Variants in ATP2A2 observed in about 807,000 individuals in gnomAD.
ATP2A2 encodes the protein ATPase sarcoplasmic/endoplasmic reticulum Ca2+ transporting 2.
A neutral mutation model predicts 109.3 loss-of-function variants in ATP2A2; 14 were observed. The ratio of observed to expected loss-of-function variants is 0.13; its 90% CI spans 0.08 to 0.20. The LOEUF (loss-of-function observed/expected upper bound fraction) is 0.20. Ranked by LOEUF, ATP2A2 falls within the 10% of genes least tolerant of loss-of-function variation. The pLI is 1.00. For missense variants in ATP2A2, 657 were observed against 1,321.6 expected, an observed-to-expected ratio of 0.50 and a Z score of 7.80; for synonymous variants, 506 against 490.9, an observed-to-expected ratio of 1.03 and a Z score of -0.41.
intron 5 of ATP2A2, among the ~76,000 whole-genome samples, chr12:110,319,041 T>C (rs1489181173): frequency 6.6e-6 from 1 of 151,930 alleles, no homozygotes; most frequent in Non-Finnish European, 1.5e-5. Flanking sequence ...TTTAAAAATA[T>C]GGATTCTTAA....
rs1486448579 is a variant in ATP2A2, at chr12:110,340,426, T to C, written c.1762-233T>C. On this transcript the variant is annotated intron_variant, in intron 13 of 19. Coordinates refer to ENST00000539276, the MANE Select transcript of ATP2A2 (RefSeq NM_170665.4). The surrounding 1 kb of genome is among the most constrained non-coding windows in gnomAD (Gnocchi z 6.0). ...GGTGGCGCATACCTGTAGTCCCAGC[T>C]ACCCTGGAGGCTGAGGCAGAAGAGT... Among the ~76,000 whole-genome samples, 1 of 151,600 alleles carries C rather than the reference T, an allele frequency of 6.6e-6. No individual in the cohort carries two copies. The highest frequency in any genetic ancestry group is 1.5e-5 in the Non-Finnish European group (1 of 67,948).
chr12:110,290,912 T>C (rs1234092937), intron 3 of ATP2A2, among the ~76,000 whole-genome samples: 2 of 151,248 alleles, frequency 1.3e-5, no homozygotes, highest in Non-Finnish European at 2.9e-5. Flanking sequence ...CCATGAAGTA[T>C]AGTTTTTTGT....
At chr12:110,293,367 CTTTTTTT>C (rs1178977431) in intron 4 of ATP2A2, among the ~76,000 whole-genome samples, 140 of 79,932 alleles carry the variant, frequency 1.8e-3, no homozygotes, top group African/African-American at 7.0e-3. Flanking sequence ...CACTCCCGGC[CTTTTTTT>C]TTTTTTTTTT....
chr12:110,284,505 T>A (rs2137679239), intron 3 of ATP2A2, among the ~76,000 whole-genome samples: 1 of 152,304 alleles, frequency 6.6e-6, no homozygotes, highest in East Asian at 1.9e-4. Flanking sequence ...GGGTCTGTTT[T>A]TTGAGTGGCC....
At chr12:110,324,809 T>C (rs1366778408) in intron 6 of ATP2A2, among the ~76,000 whole-genome samples, 3 of 151,808 alleles carry the variant, frequency 2.0e-5, no homozygotes, top group South Asian at 2.1e-4. Context: ...AGAGCAGTTA[T>C]AGTCTCTATA....
chr12:110,293,826 A>ATGTGTGTGTGTGTGTG (rs59260681), intron 4 of ATP2A2, among the ~76,000 whole-genome samples: 6 of 108,568 alleles, frequency 5.5e-5, no homozygotes, highest in African/African-American at 2.0e-4. Flanking sequence ...TGCCATATAT[A>ATGTGTGTGTGTGTGTG]TGTGTGTGTG....
At chr12:110,282,343 A>G (rs981551156) in intron 1 of ATP2A2, among the ~76,000 whole-genome samples, 2 of 152,196 alleles carry the variant, frequency 1.3e-5, no homozygotes, top group African/African-American at 4.8e-5. Context: ...TCCTAGGTTC[A>G]GGAGCCCGAA....
intron 3 of ATP2A2, among the ~76,000 whole-genome samples, chr12:110,288,900 C>T (rs559755189): frequency 6.6e-6 from 1 of 152,290 alleles, no homozygotes; most frequent in Admixed American, 6.5e-5. Flanking sequence ...TCCCCTTTCT[C>T]TTACCCCATC....
chr12:110,348,919 C>T lies in ATP2A2; in HGVS notation c.*2449C>T. The stretch of plus-strand genomic sequence containing the variant: ...AACTGACTTGAGTGCTGCACTATTG[C>T]TATTCCGTGCAAACAAAACTCAGCT... On this transcript the variant is annotated 3_prime_UTR_variant, in exon 20 of 20. Transcript: ENST00000539276. 1.0e-6 allele frequency: 1 copy of T among 985,438 alleles called. No homozygotes were observed. The highest frequency in any genetic ancestry group is 1.2e-6 in the Non-Finnish European group (1 of 829,946). 61.0% of individuals were successfully genotyped at this position (985,438 alleles called of 1,614,324 possible). A position where few individuals can be genotyped will look rare whatever the true frequency, so the allele number is the denominator to read the frequency against.
intron 3 of ATP2A2, among the ~76,000 whole-genome samples, chr12:110,283,343 T>C (rs908109993): frequency 3.9e-5 from 6 of 152,188 alleles, no homozygotes; most frequent in African/African-American, 1.2e-4. Flanking sequence ...ATTGGACCCC[T>C]GTCTTAAGTG....
chr12:110,287,690 C>T (rs1872804707), intron 3 of ATP2A2, among the ~76,000 whole-genome samples: 1 of 152,140 alleles, frequency 6.6e-6, no homozygotes, highest in Admixed American at 6.5e-5. Flanking sequence ...TCTTGGCTCA[C>T]TGCAACCTCC....
chr12:110,333,113 G>T, intron 9 of ATP2A2, 68 bp from the exon 10 acceptor site: 2 of 1,305,098 alleles, frequency 1.5e-6, no homozygotes. Context: ...ATTGCGGGGG[G>T]GCAGGGGGCG....
intron 8 of ATP2A2, among the ~76,000 whole-genome samples, chr12:110,328,297 G>A (rs1399682336): frequency 2.6e-5 from 4 of 151,200 alleles, no homozygotes; most frequent in Admixed American, 6.6e-5. Context: ...AAGCCTGGGC[G>A]CAGTGGCTCA....
At chr12:110,337,749 C>T (rs1440265395) in intron 11 of ATP2A2, among the ~76,000 whole-genome samples, 2 of 152,232 alleles carry the variant, frequency 1.3e-5, no homozygotes, top group Non-Finnish European at 1.5e-5. Flanking sequence ...AAGGTCACCT[C>T]AGTAGGTGCA....
chr12:110,346,449 T>G lies in ATP2A2; in HGVS notation c.3108T>G (p.Phe1036Leu). 1 of 1,614,236 alleles carries G rather than the reference T, an allele frequency of 6.2e-7. No individual in the cohort carries two copies. The highest frequency in any genetic ancestry group is 8.5e-7 in the Non-Finnish European group (1 of 1,180,040). Reference sequence around the variant, plus strand: ...GGGTCTATAGCACAGACACTAACTTTAGCGATATGTTCTGGTCTTGACTGA... The same window carrying G: ...GGGTCTATAGCACAGACACTAACTTGAGCGATATGTTCTGGTCTTGACTGA... Reference protein sequence around the residue: ...VIWVYSTDTNFSDMFWS With the variant: ...VIWVYSTDTNLSDMFWS The change falls in exon 20 of 20, where the codon TTT becomes TTG. Residue 1036 changes from phenylalanine to leucine, a missense_variant. Coordinates refer to ENST00000539276, the MANE Select transcript of ATP2A2 (RefSeq NM_170665.4).
chr12:110,296,797 T>C, intron 5 of ATP2A2, 60 bp downstream of exon 5: 1 of 1,552,696 alleles, frequency 6.4e-7, no homozygotes, highest in Non-Finnish European at 8.9e-7. Context: ...GTAGTCCTTT[T>C]CTCAAGGCTC....
rs886147956 is a variant in ATP2A2 at position 110,347,920 on chromosome 12, T to A, written c.*1450T>A. ...TGCTGCTGTGCTCCCTGATGCCCTGTGAGCACCGGGGTTGCCTGTGGCGCC... is the reference window on the plus strand; with the variant it reads ...TGCTGCTGTGCTCCCTGATGCCCTGAGAGCACCGGGGTTGCCTGTGGCGCC... On this transcript the variant is annotated 3_prime_UTR_variant, in exon 20 of 20. Coordinates refer to ENST00000539276, the MANE Select transcript of ATP2A2 (RefSeq NM_170665.4). 1 of 988,986 alleles carries A rather than the reference T, an allele frequency of 1.0e-6. No individual in the cohort carries two copies. Among genetic ancestry groups the A allele is most frequent in the African/African-American group, 1.7e-5 (1 of 57,312 alleles). The allele number at this position is 988,986 out of a possible 1,614,324, so 61.3% of individuals were successfully genotyped here.
chr12:110,350,013 C>T lies in ATP2A2; in HGVS notation c.*3543C>T, dbSNP rs998647076. 2.6e-5 allele frequency: 35 copies of T among 1,362,276 alleles called. No homozygotes were observed. Among genetic ancestry groups the T allele is most frequent in the Middle Eastern group, 2.8e-4 (1 of 3,530 alleles). 84.4% of individuals were successfully genotyped at this position (1,362,276 alleles called of 1,614,324 possible). Reference sequence around the variant, plus strand: ...TGTCTCGCTGCTTTCACAGCTGCAACGATTGTGTCTGCCTCATGGGGTTTT... The same window carrying T: ...TGTCTCGCTGCTTTCACAGCTGCAATGATTGTGTCTGCCTCATGGGGTTTT... On this transcript the variant is annotated 3_prime_UTR_variant, in exon 20 of 20. Transcript: ENST00000539276.
chr12:110,282,459 T>G, intron 1 of ATP2A2, 145 bp from the exon 2 acceptor site: 1 of 1,145,500 alleles, frequency 8.7e-7, no homozygotes, highest in African/African-American at 1.5e-5. Flanking sequence ...TCGGATATTC[T>G]TATAGCTAGG....
Sources: gnomAD v4.1 joint callset for allele counts (sites outside exome capture counted in the v4.1 genomes callset) on GRCh38, gnomAD v4.1.1 for gene constraint, Gnocchi (gnomAD v3.1) non-coding constraint, MANE v1.5 for transcripts, NCBI Gene and HGNC (gene_info 2026-07-23, HGNC 2026-07-21) for gene names.